MYO3B: variants seen among roughly 807,000 people sequenced by gnomAD.
MYO3B encodes myosin IIIB.
A neutral mutation model predicts 174.6 loss-of-function variants in MYO3B; 156 were observed. The observed-to-expected ratio is 0.89, with a 90% CI of 0.78 to 1.02. MYO3B has a LOEUF of 1.02. MYO3B is among the 50% of genes least tolerant of loss of function. The pLI is 0.00. For missense variants in MYO3B, 1,632 were observed against 1,639.4 expected (o/e 1.00, Z 0.08); for synonymous variants, 563 against 569.1 (o/e 0.99, Z 0.15).
chr2:170,438,264 GT>G (rs983243989), intron 22 of MYO3B, among the ~76,000 whole-genome samples: 2 of 150,710 alleles, frequency 1.3e-5, no homozygotes, highest in Admixed American at 6.6e-5. Context: ...GGATTTCCTT[GT>G]TTTTTTTTAA....
At chr2:170,455,957 T>C (rs928884884) in intron 23 of MYO3B, among the ~76,000 whole-genome samples, 15 of 152,168 alleles carry the variant, frequency 9.9e-5, no homozygotes, top group Non-Finnish European at 1.8e-4. Context: ...ATTGGTCTTA[T>C]AGGGGCCAAG....
intron 9 of MYO3B, among the ~76,000 whole-genome samples, chr2:170,381,383 C>T (rs1414797958): frequency 6.6e-6 from 1 of 151,974 alleles, no homozygotes; most frequent in East Asian, 1.9e-4. Context: ...CATACAGAAC[C>T]TGTATATTGC....
At chr2:170,531,294 A>C (rs142304119) in intron 30 of MYO3B, among the ~76,000 whole-genome samples, 1 of 152,278 alleles carries the variant, frequency 6.6e-6, no homozygotes, top group African/African-American at 2.4e-5. Context: ...TACCCTCAGG[A>C]ATAGTGTAAC....
chr2:170,601,145 C>T (rs555568233), intron 32 of MYO3B, among the ~76,000 whole-genome samples: 3 of 146,146 alleles, frequency 2.1e-5, no homozygotes, highest in East Asian at 3.9e-4. Flanking sequence ...CCTATGAAAA[C>T]GACAACAATA....
At chr2:170,308,046 C>G (rs1371596416) in intron 7 of MYO3B, among the ~76,000 whole-genome samples, 1 of 152,152 alleles carries the variant, frequency 6.6e-6, no homozygotes, top group Non-Finnish European at 1.5e-5. Context: ...TCTTGTGTCC[C>G]CACATCTAGC....
intron 9 of MYO3B, among the ~76,000 whole-genome samples, chr2:170,380,098 A>G (rs903049478): frequency 3.3e-5 from 5 of 152,218 alleles, no homozygotes; most frequent in African/African-American, 1.2e-4. Context: ...AGTCAACACC[A>G]GCTTCTAGGA....
In MYO3B at chr2:170,653,118, T is replaced by A; in HGVS notation, c.4023T>A (p.His1341Gln). 6.2e-7 allele frequency: 1 copy of A among 1,614,142 alleles called. No individual in the cohort carries two copies. The highest frequency in any genetic ancestry group is 8.5e-7 in the Non-Finnish European group (1 of 1,180,016). The part of the protein sequence containing the change: ...SSSKGDSFAQ[H>Q] Reference sequence around the variant, plus strand: ...CAAAAGGAGACTCTTTTGCTCAACATTAAATTGTGCTTCCTAACCCTAAAT... The same window carrying A: ...CAAAAGGAGACTCTTTTGCTCAACAATAAATTGTGCTTCCTAACCCTAAAT... The change falls in exon 35 of 35, where the codon CAT becomes CAA. Residue 1341 changes from histidine (H) to glutamine (Q), a missense_variant. Coordinates refer to ENST00000408978, the MANE Select transcript of MYO3B (RefSeq NM_138995.5).
At chr2:170,530,739 T>C (rs1404854142) in intron 30 of MYO3B, among the ~76,000 whole-genome samples, 2 of 152,208 alleles carry the variant, frequency 1.3e-5, no homozygotes, top group Non-Finnish European at 2.9e-5. Flanking sequence ...GGAGGGCAGT[T>C]GTTTAAATTA....
chr2:170,597,913 A>G (rs1365784282), intron 32 of MYO3B, among the ~76,000 whole-genome samples: 1 of 152,200 alleles, frequency 6.6e-6, no homozygotes, highest in East Asian at 1.9e-4. Flanking sequence ...AAACAATTCT[A>G]AAAGGGTCAA....
intron 32 of MYO3B, among the ~76,000 whole-genome samples, chr2:170,611,528 G>A (rs986887208): frequency 7.2e-5 from 11 of 152,134 alleles, no homozygotes; most frequent in African/African-American, 2.4e-4. Context: ...GGGGACAGTG[G>A]GAATTCTACA....
chr2:170,221,011 A>G (rs999293494), intron 6 of MYO3B, among the ~76,000 whole-genome samples: 2 of 152,210 alleles, frequency 1.3e-5, no homozygotes, highest in Admixed American at 6.5e-5. Flanking sequence ...AGGAATGTCC[A>G]CAAGAACAAC....
intron 23 of MYO3B, among the ~76,000 whole-genome samples, chr2:170,446,021 G>C (rs149572978): frequency 6.6e-6 from 1 of 152,156 alleles, no homozygotes; most frequent in East Asian, 1.9e-4. Context: ...AAAAAATGTG[G>C]TACTTAAACA....
At chr2:170,424,773 A>G (rs2094647768) in intron 22 of MYO3B, among the ~76,000 whole-genome samples, 1 of 152,180 alleles carries the variant, frequency 6.6e-6, no homozygotes, top group Non-Finnish European at 1.5e-5. Context: ...GTGAATGTAT[A>G]TTTTAAGTGG....
chr2:170,582,681 G>A (rs1021758730), intron 32 of MYO3B, among the ~76,000 whole-genome samples: 1 of 152,036 alleles, frequency 6.6e-6, no homozygotes, highest in Non-Finnish European at 1.5e-5. Flanking sequence ...ATTAAAAAAA[G>A]AAAGAAAAAT....
chr2:170,389,193 G>A (rs1369472474), intron 14 of MYO3B, among the ~76,000 whole-genome samples: 1 of 152,214 alleles, frequency 6.6e-6, no homozygotes, highest in Non-Finnish European at 1.5e-5. Flanking sequence ...AGAATTAAAT[G>A]AGATGAAGAG....
chr2:170,217,520 A>G, intron 6 of MYO3B, 125 bp downstream of exon 6: 1 of 814,752 alleles, frequency 1.2e-6, no homozygotes, highest in Non-Finnish European at 2.1e-6. Context: ...TCCTCATTGA[A>G]CTTTAAGAGT....
intron 32 of MYO3B, among the ~76,000 whole-genome samples, chr2:170,631,662 G>A (rs1415993760): frequency 7.2e-5 from 11 of 152,028 alleles, no homozygotes; most frequent in East Asian, 3.9e-4. Flanking sequence ...GAGAAAGGTC[G>A]GGTTACCCAC....
At chr2:170,574,264 AT>A (rs1692647628) in intron 32 of MYO3B, among the ~76,000 whole-genome samples, 1 of 152,186 alleles carries the variant, frequency 6.6e-6, no homozygotes, top group South Asian at 2.1e-4. Context: ...AGATTTAAGT[AT>A]ACTTAATTCT....
In MYO3B at chr2:170,214,765, C is replaced by T. The variant is rs377640353; in HGVS notation, c.463C>T (p.Arg155Cys). 126 of 1,614,136 alleles carry T rather than the reference C, an allele frequency of 7.8e-5. 1 individual carries two copies. Among genetic ancestry groups the T allele is most frequent in the South Asian group, 4.6e-4 (42 of 91,070 alleles). ...TTTGCACAACAACCGAATCATCCAC[C>T]GTGATGTGAAGGGGAATAACATTCT... is the stretch of plus-strand genomic sequence containing the variant. ...QHLHNNRIIH[R>C]DVKGNNILLT... is the part of the protein sequence containing the mutation. The change falls in exon 5 of 35, where the codon CGT (arginine) becomes TGT (cysteine). Residue 155 changes from arginine to cysteine, a missense_variant. Physicochemically the swap from Arg to Cys is radical, Grantham distance 180. Coordinates refer to ENST00000408978, the MANE Select transcript of MYO3B (RefSeq NM_138995.5).
Sources: gnomAD v4.1 joint callset for allele counts (sites outside exome capture counted in the v4.1 genomes callset) on GRCh38, gnomAD v4.1.1 for gene constraint, MANE v1.5 for transcripts, NCBI Gene and HGNC (gene_info 2026-07-23, HGNC 2026-07-21) for gene names.